The following ADCY9 variants were observed in gnomAD, a reference collection of about 807,000 sequenced individuals.
ADCY9 encodes the protein adenylate cyclase type 9.
A neutral mutation model predicts 101.5 loss-of-function variants in ADCY9; 50 were observed. That is an observed-to-expected ratio of 0.49 (90% CI 0.39 to 0.62). The LOEUF (loss-of-function observed/expected upper bound fraction) is 0.62. ADCY9 is among the 20% of genes least tolerant of loss of function. The pLI is 0.00. For synonymous variants in ADCY9, 905 were observed against 769.3 expected (o/e 1.18, Z -2.92); for missense variants, 1,662 against 1,800.4 (o/e 0.92, Z 1.39).
chr16:3,956,647 C>T (rs146237045), intron 5 of ADCY9, among the ~76,000 whole-genome samples: 411 of 140,006 alleles, frequency 2.9e-3, no homozygotes, highest in African/African-American at 9.9e-3. Flanking sequence ...CATGCCACCA[C>T]ACCTGGCTAA....
rs2056992376 is a variant in ADCY9, at chr16:4,094,714, A to G, written c.1693+19036T>C. ...ATTGAGGAGATTAATACAATATAAT[A>G]ATCAGGCACTGCAGATCACACCTGG... On this transcript the variant is annotated intron_variant, in intron 2 of 10. Coordinates refer to ENST00000294016, the MANE Select transcript of ADCY9 (RefSeq NM_001116.4). Among the ~76,000 whole-genome samples, 4 of 152,152 alleles carry G rather than the reference A, an allele frequency of 2.6e-5. No individual in the cohort carries two copies. In the South Asian group the frequency reaches 8.3e-4, roughly 31 times the overall value.
intron 2 of ADCY9, among the ~76,000 whole-genome samples, chr16:4,082,087 C>T (rs2056906961): frequency 6.6e-6 from 1 of 152,048 alleles, no homozygotes; most frequent in Non-Finnish European, 1.5e-5. Context: ...TTTTAAAATG[C>T]TGCATGAAGG....
chr16:4,069,221 CAA>C (rs1392620186), intron 2 of ADCY9, among the ~76,000 whole-genome samples: 1 of 151,906 alleles, frequency 6.6e-6, no homozygotes, highest in Non-Finnish European at 1.5e-5. Context: ...CTTTACGAAT[CAA>C]AGAGATTTTT....
downstream of ADCY9, among the ~76,000 whole-genome samples, chr16:3,962,268 ACT>A (rs894886195): frequency 6.6e-6 from 1 of 151,782 alleles, no homozygotes; most frequent in African/African-American, 2.4e-5. Flanking sequence ...ACCTGCAATC[ACT>A]CTTTCCTTTT....
chr16:4,085,640 G>C (rs8046986), intron 2 of ADCY9, among the ~76,000 whole-genome samples: 1 of 152,196 alleles, frequency 6.6e-6, no homozygotes, highest in South Asian at 2.1e-4. Flanking sequence ...ACAGGACCTC[G>C]TCGAAGAGGG....
chr16:4,044,091 A>G (rs1016787833), intron 2 of ADCY9, among the ~76,000 whole-genome samples: 2 of 152,226 alleles, frequency 1.3e-5, no homozygotes, highest in African/African-American at 4.8e-5. Context: ...TCATGCCTGT[A>G]ATCCCAGCAC....
intron 3 of ADCY9, among the ~76,000 whole-genome samples, 152 bp downstream of exon 3, chr16:4,007,215 AC>A (rs1300462741): frequency 6.6e-6 from 1 of 152,170 alleles, no homozygotes; most frequent in Admixed American, 6.5e-5. Flanking sequence ...AATGCTACTA[AC>A]TTTAGACTAA....
At chr16:4,053,661 C>G (rs1358529354) in intron 2 of ADCY9, among the ~76,000 whole-genome samples, 4 of 127,714 alleles carry the variant, frequency 3.1e-5, no homozygotes, top group African/African-American at 1.2e-4. Flanking sequence ...TGCCAACCGG[C>G]AAGGTCACAA....
intron 2 of ADCY9, among the ~76,000 whole-genome samples, chr16:4,077,866 G>A (rs912888598): frequency 6.6e-5 from 10 of 151,326 alleles, no homozygotes; most frequent in South Asian, 2.1e-4. Context: ...AGCCAGGCGT[G>A]GTGGTGCACA....
intron 2 of ADCY9, among the ~76,000 whole-genome samples, chr16:4,076,122 A>T (rs1254766734): frequency 6.6e-6 from 1 of 152,202 alleles, no homozygotes; most frequent in East Asian, 1.9e-4. Context: ...TGAGCCCACG[A>T]GTTCGAGGCT....
intron 2 of ADCY9, among the ~76,000 whole-genome samples, chr16:4,107,064 G>C (rs2057081877): frequency 6.6e-6 from 1 of 152,326 alleles, no homozygotes; most frequent in Non-Finnish European, 1.5e-5. Context: ...ATTAACAGCT[G>C]TGTCCTTGTC....
intron 2 of ADCY9, among the ~76,000 whole-genome samples, chr16:4,055,145 A>G (rs1334965015): frequency 2.6e-5 from 4 of 152,190 alleles, no homozygotes; most frequent in Non-Finnish European, 5.9e-5. Context: ...TGTGGTAGCC[A>G]ACAGCAGAGC....
chr16:4,082,366 G>C (rs1453272365), intron 2 of ADCY9, among the ~76,000 whole-genome samples: 1 of 152,058 alleles, frequency 6.6e-6, no homozygotes, highest in East Asian at 1.9e-4. Context: ...AACAGAACAG[G>C]ACCCTGTCTC....
At chr16:4,019,155 A>AT (rs919658599) in intron 2 of ADCY9, among the ~76,000 whole-genome samples, 1 of 151,434 alleles carries the variant, frequency 6.6e-6, no homozygotes, top group African/African-American at 2.4e-5. Context: ...TTAAAAAAAA[A>AT]TTTTTTTTTA....
intron 2 of ADCY9, among the ~76,000 whole-genome samples, chr16:4,091,953 T>C (rs1487008114): frequency 6.6e-6 from 1 of 152,176 alleles, no homozygotes; most frequent in South Asian, 2.1e-4. Context: ...AATCATTAAG[T>C]TATGTGAATT....
chr16:4,078,573 AAG>A (rs1250654540), intron 2 of ADCY9, among the ~76,000 whole-genome samples: 10 of 70,564 alleles, frequency 1.4e-4, no homozygotes, highest in South Asian at 1.3e-3. Context: ...AAAAAAAAAA[AAG>A]AAAACAAAAA....
At chr16:4,070,555 C>T (rs1177659901) in intron 2 of ADCY9, among the ~76,000 whole-genome samples, 1 of 152,190 alleles carries the variant, frequency 6.6e-6, no homozygotes, top group Non-Finnish European at 1.5e-5. Context: ...GTGGCTCACA[C>T]CTGTAATCCC....
At chr16:3,971,136 G>C (rs1309420040) in intron 10 of ADCY9, among the ~76,000 whole-genome samples, 1 of 152,076 alleles carries the variant, frequency 6.6e-6, no homozygotes, top group Non-Finnish European at 1.5e-5. Flanking sequence ...CGGGAGACCT[G>C]AACAGCCCCT....
At chr16:4,082,653 C>T (rs1413681273) in intron 2 of ADCY9, among the ~76,000 whole-genome samples, 1 of 151,576 alleles carries the variant, frequency 6.6e-6, no homozygotes, top group Non-Finnish European at 1.5e-5. Flanking sequence ...TGCACGCACA[C>T]ATATATGCAC....
Sources: allele counts gnomAD v4.1 joint callset (sites outside exome capture counted in the v4.1 genomes callset), GRCh38; gene constraint gnomAD v4.1.1; transcripts MANE v1.5; gene names NCBI Gene and HGNC (gene_info 2026-07-23, HGNC 2026-07-21).